RASSF3: variants seen among roughly 807,000 people sequenced by gnomAD.
RASSF3 encodes ras association domain-containing protein 3.
A neutral mutation model predicts 19.9 loss-of-function variants in RASSF3; 19 were observed. The ratio of observed to expected loss-of-function variants is 0.96; its 90% CI spans 0.67 to 1.40. The LOEUF (loss-of-function observed/expected upper bound fraction) is 1.40. Ranked by LOEUF, RASSF3 falls within the 40% of genes most tolerant of loss-of-function variation. RASSF3 has a pLI of 0.00. For missense variants in RASSF3, 306 were observed against 289.8 expected (o/e 1.06, Z -0.41); for synonymous variants, 110 against 104.2 (o/e 1.06, Z -0.34).
intron 2 of RASSF3, among the ~76,000 whole-genome samples, chr12:64,557,822 G>A (rs989381720): frequency 6.6e-6 from 1 of 152,102 alleles, no homozygotes; most frequent in Non-Finnish European, 1.5e-5. Flanking sequence ...CTTCTGGATG[G>A]TATAATGCAC....
intron 1 of RASSF3, among the ~76,000 whole-genome samples, chr12:64,512,391 C>T (rs1336340000): frequency 6.6e-6 from 1 of 151,958 alleles, no homozygotes; most frequent in Non-Finnish European, 1.5e-5. Flanking sequence ...GCAGAAGGGT[C>T]ACTTGAGGCC....
chr12:64,673,133 A>G (rs1565867485), intron 1 of RASSF3, among the ~76,000 whole-genome samples: 1 of 152,216 alleles, frequency 6.6e-6, no homozygotes, highest in Non-Finnish European at 1.5e-5. Context: ...CTTGACCTCC[A>G]AACTTTGACC....
chr12:64,677,642 C>T (rs559389613), intron 1 of RASSF3, among the ~76,000 whole-genome samples: 7 of 152,240 alleles, frequency 4.6e-5, no homozygotes, highest in East Asian at 3.9e-4. Flanking sequence ...AGACATCAAA[C>T]GTAAATACAA....
chr12:64,670,678 TC>T (rs1173545452), intron 1 of RASSF3, among the ~76,000 whole-genome samples: 1 of 152,180 alleles, frequency 6.6e-6, no homozygotes, highest in African/African-American at 2.4e-5. Context: ...GTAGTTTTCT[TC>T]TTTTTAAATT....
At chr12:64,624,413 G>A (rs979526366) in intron 1 of RASSF3, among the ~76,000 whole-genome samples, 2 of 151,792 alleles carry the variant, frequency 1.3e-5, no homozygotes, top group African/African-American at 2.4e-5. Flanking sequence ...GCAAGTCATT[G>A]TACCTCTTTG....
intron 2 of RASSF3, among the ~76,000 whole-genome samples, chr12:64,585,999 AT>A (rs1463493155): frequency 6.6e-6 from 1 of 152,052 alleles, no homozygotes; most frequent in East Asian, 1.9e-4. Context: ...TGAACTAAGC[AT>A]TTTCATTCTC....
Position 64,694,915 on chromosome 12 carries a change from C to T in RASSF3, c.*3C>T, listed in dbSNP as rs549400477. Reference sequence around the variant, plus strand: ...GTGAGGTGTGGAAGCCTGATTAAAGCGGGGCTCCCTGCCCGTGAGGCCCGG... The same window carrying T: ...GTGAGGTGTGGAAGCCTGATTAAAGTGGGGCTCCCTGCCCGTGAGGCCCGG... On this transcript the variant is annotated 3_prime_UTR_variant, in exon 5 of 5. Transcript: ENST00000542104. 1.8e-5 allele frequency: 29 copies of T among 1,613,430 alleles called. No individual in the cohort carries two copies. The East Asian group carries it at 4.0e-4, about 22-fold the overall frequency.
chr12:64,644,811 TC>T (rs1423986430), intron 1 of RASSF3, among the ~76,000 whole-genome samples: 2 of 152,210 alleles, frequency 1.3e-5, no homozygotes, highest in African/African-American at 2.4e-5. Context: ...TCCTGTTACT[TC>T]CAGGATACCT....
chr12:64,593,750 G>T (rs560321406), intron 2 of RASSF3, among the ~76,000 whole-genome samples: 1 of 152,214 alleles, frequency 6.6e-6, no homozygotes, highest in South Asian at 2.1e-4. Flanking sequence ...GAATAGGATT[G>T]CTCCTTTTTA....
At chr12:64,532,194 G>A (rs1364144821), upstream of RASSF3, among the ~76,000 whole-genome samples, 1 of 152,178 alleles carries the variant, frequency 6.6e-6, no homozygotes, top group Non-Finnish European at 1.5e-5. Context: ...AGGATGGATT[G>A]CCGACTGCGA....
chr12:64,546,906 A>T (rs969633873), intron 2 of RASSF3, among the ~76,000 whole-genome samples: 4 of 151,936 alleles, frequency 2.6e-5, no homozygotes, highest in African/African-American at 9.7e-5. Flanking sequence ...AAGCTATAGA[A>T]TTTGGCCAAG....
At chr12:64,557,881 G>A (rs898369253) in intron 2 of RASSF3, among the ~76,000 whole-genome samples, 3 of 152,086 alleles carry the variant, frequency 2.0e-5, no homozygotes, top group Non-Finnish European at 2.9e-5. Flanking sequence ...TGCACCTCCT[G>A]TATTATAATT....
At chr12:64,638,976 C>T (rs548677214) in intron 1 of RASSF3, among the ~76,000 whole-genome samples, 2 of 152,258 alleles carry the variant, frequency 1.3e-5, no homozygotes, top group African/African-American at 2.4e-5. Flanking sequence ...TCTCCTTTTG[C>T]ATGTGTGAGA....
At chr12:64,647,719 G>T (rs1014053309) in intron 1 of RASSF3, among the ~76,000 whole-genome samples, 1 of 151,422 alleles carries the variant, frequency 6.6e-6, no homozygotes, top group Non-Finnish European at 1.5e-5. Flanking sequence ...CCCCGGCCTT[G>T]TATTTTTTTT....
intron 1 of RASSF3, among the ~76,000 whole-genome samples, chr12:64,637,544 C>T (rs543395714): frequency 6.6e-6 from 1 of 151,718 alleles, no homozygotes; most frequent in South Asian, 2.1e-4. Context: ...ATTCTCATGC[C>T]TCAGCCTCCC....
chr12:64,579,009 C>A (rs1431499550), intron 2 of RASSF3, among the ~76,000 whole-genome samples: 1 of 152,070 alleles, frequency 6.6e-6, no homozygotes, highest in Middle Eastern at 3.2e-3. Context: ...TGCCTGTAAT[C>A]CCAGCTACTT....
intron 1 of RASSF3, among the ~76,000 whole-genome samples, chr12:64,666,085 C>G (rs1308969350): frequency 6.6e-6 from 1 of 152,240 alleles, no homozygotes; most frequent in African/African-American, 2.4e-5. Flanking sequence ...GTTAAATGAT[C>G]ACTTTTTTAT....
intron 1 of RASSF3, among the ~76,000 whole-genome samples, chr12:64,510,472 T>C (rs1183036818): frequency 6.6e-6 from 1 of 152,178 alleles, no homozygotes; most frequent in Non-Finnish European, 1.5e-5. Context: ...GGCAGAAATA[T>C]GTCAAAGTTT....
intron 1 of RASSF3, among the ~76,000 whole-genome samples, chr12:64,516,425 C>T (rs1329916412): frequency 6.7e-6 from 1 of 149,498 alleles, no homozygotes; most frequent in Non-Finnish European, 1.5e-5. Flanking sequence ...CGAGACCATC[C>T]CGACTAGAAC....
Sources: allele counts gnomAD v4.1 joint callset (sites outside exome capture counted in the v4.1 genomes callset), GRCh38; gene constraint gnomAD v4.1.1; transcripts MANE v1.5; gene names NCBI Gene and HGNC (gene_info 2026-07-23, HGNC 2026-07-21).